DNAAF9: variants seen among roughly 807,000 people sequenced by gnomAD.
DNAAF9 encodes the protein shulin.
DNAAF9 carries 90 observed loss-of-function variants against 167.0 expected under a neutral mutation model. The observed-to-expected ratio is 0.54, with a 90% CI of 0.45 to 0.64. The LOEUF is 0.64. DNAAF9 is among the 30% of genes least tolerant of loss of function. The pLI, the probability that DNAAF9 is intolerant of heterozygous loss-of-function variation, is 0.00. For missense variants in DNAAF9, 1,315 were observed against 1,442.2 expected, an observed-to-expected ratio of 0.91 and a Z score of 1.43; for synonymous variants, 491 against 508.8, an observed-to-expected ratio of 0.96 and a Z score of 0.47.
chr20:3,362,472 T>A, intron 6 of DNAAF9: 1 of 388,454 alleles, frequency 2.6e-6, no homozygotes, highest in Admixed American at 4.4e-5. Context: ...ACAGCTTCAT[T>A]TTTTTCACCT....
intron 7 of DNAAF9, among the ~76,000 whole-genome samples, chr20:3,356,948 T>C (rs939867574): frequency 6.6e-6 from 1 of 152,198 alleles, no homozygotes; most frequent in Non-Finnish European, 1.5e-5. Context: ...CTACCACAAT[T>C]AAGCTAATGG....
chr20:3,354,891 T>C (rs2083263311), intron 7 of DNAAF9, among the ~76,000 whole-genome samples: 1 of 152,208 alleles, frequency 6.6e-6, no homozygotes, highest in South Asian at 2.1e-4. Flanking sequence ...GGAAAGAGCA[T>C]GTTCTACAGC....
chr20:3,386,672 G>C (rs2083743900), intron 1 of DNAAF9, among the ~76,000 whole-genome samples: 1 of 151,728 alleles, frequency 6.6e-6, no homozygotes, highest in Non-Finnish European at 1.5e-5. Flanking sequence ...AGAATGAAAA[G>C]ACAAGCTACT....
chr20:3,265,072 C>G (rs944323233), intron 30 of DNAAF9, among the ~76,000 whole-genome samples: 1 of 152,148 alleles, frequency 6.6e-6, no homozygotes, highest in Admixed American at 6.6e-5. Context: ...AAGGAATTTA[C>G]TGGCTCCCAG....
At chr20:3,270,835 C>T (rs111558628) in intron 29 of DNAAF9, among the ~76,000 whole-genome samples, 2,290 of 143,766 alleles carry the variant, frequency 0.016, 29 homozygotes, top group Non-Finnish European at 0.024. Context: ...TTTTTTAAGA[C>T]GGTGTCTCAC....
intron 6 of DNAAF9, among the ~76,000 whole-genome samples, chr20:3,370,624 G>A (rs989872141): frequency 9.2e-5 from 14 of 151,974 alleles, no homozygotes; most frequent in Admixed American, 5.2e-4. Flanking sequence ...TGGCCAGGAC[G>A]GTCCCGATCT....
Position 3,259,979 on chromosome 20 carries a change from T to C in DNAAF9, c.2923A>G (p.Ile975Val), listed in dbSNP as rs369960186. ...AGSVYPLMVQ[I>V]CVWFGRPLEK... Reference sequence around the variant, plus strand: ...AAGGGACGGCCAAACCATACGCAGATCTGAACCATTAGGGGATAGACTGAT... The same window carrying C: ...AAGGGACGGCCAAACCATACGCAGACCTGAACCATTAGGGGATAGACTGAT... Residue 975 changes from isoleucine (I) to valine (V), a missense_variant, in exon 32 of 37, where the codon ATC becomes GTC. By Grantham distance (29) the Ile-to-Val change is conservative. Transcript: ENST00000252032. The C allele has an allele frequency of 1.2e-6, 2 of 1,613,244 alleles. No individual in the cohort carries two copies. The highest frequency in any genetic ancestry group is 2.7e-5 in the African/African-American group (2 of 74,936).
At chr20:3,310,227 T>G (rs2069376866) in intron 20 of DNAAF9, among the ~76,000 whole-genome samples, 1 of 107,606 alleles carries the variant, frequency 9.3e-6, no homozygotes, top group African/African-American at 3.6e-5. Flanking sequence ...GAACTAATGA[T>G]CGAGAGAAAG....
intron 7 of DNAAF9, among the ~76,000 whole-genome samples, chr20:3,358,625 C>T (rs893091711): frequency 3.9e-5 from 6 of 152,148 alleles, no homozygotes; most frequent in Non-Finnish European, 7.3e-5. Context: ...TCCGTTCTTT[C>T]AAGGAAAGAC....
rs576604364 is a variant in DNAAF9 at position 3,306,154 on chromosome 20, TCTTAGAGCAGTAAAGCTGCACC to T, written c.1679-1633_1679-1612del. Among the ~76,000 whole-genome samples the T allele has an allele frequency of 2.7e-3, 415 of 152,210 alleles. 1 individual carries two copies. Among genetic ancestry groups the T allele is most frequent in the African/African-American group, 9.4e-3 (391 of 41,528 alleles). Reference sequence around the variant, plus strand: ...TTCCAATGCCAACACTCCCATTCCTTCTTAGAGCAGTAAAGCTGCACCCAGAATGTCATGACTTCTGAAATCT... The same window carrying T: ...TTCCAATGCCAACACTCCCATTCCTTCAGAATGTCATGACTTCTGAAATCT... On this transcript the variant is annotated intron_variant, in intron 20 of 36. Coordinates refer to ENST00000252032, the MANE Select transcript of DNAAF9 (RefSeq NM_001009984.3).
chr20:3,400,690 G>A (rs1294741596), intron 1 of DNAAF9, among the ~76,000 whole-genome samples: 1 of 152,004 alleles, frequency 6.6e-6, no homozygotes, highest in Non-Finnish European at 1.5e-5. Flanking sequence ...GTTACTTAAA[G>A]GGCATTTGTG....
At position 3,340,436 on chromosome 20, in the gene DNAAF9, C is replaced by CCCT; in HGVS notation, c.981+67_981+68insAGG. ...GAAAAGGTTCTTTTTGTCTAGCTCC[C>CCCT]CCCACCCACCCCACCCCCACAACTT... On this transcript the variant is annotated intron_variant, in intron 10 of 36. Coordinates refer to ENST00000252032, the MANE Select transcript of DNAAF9 (RefSeq NM_001009984.3). The CCCT allele has an allele frequency of 1.0e-5, 2 of 192,366 alleles. 1 individual carries two copies. The highest frequency in any genetic ancestry group is 1.4e-4 in the South Asian group (2 of 14,006). The allele number at this position is 192,366 out of a possible 1,614,324, so 11.9% of individuals were successfully genotyped here. A position where few individuals can be genotyped will look rare whatever the true frequency, so the allele number is the denominator to read the frequency against.
intron 6 of DNAAF9, among the ~76,000 whole-genome samples, chr20:3,368,446 CTT>C (rs1239725555): frequency 6.7e-6 from 1 of 149,918 alleles, no homozygotes; most frequent in Non-Finnish European, 1.5e-5. Flanking sequence ...TGGTGGGTGA[CTT>C]GTTTTTTCTT....
chr20:3,296,710 C>T, intron 23 of DNAAF9, 151 bp downstream of exon 23: 1 of 648,558 alleles, frequency 1.5e-6, no homozygotes. Flanking sequence ...CCCAAGGGCA[C>T]CGGCTACCTG....
Position 3,323,274 on chromosome 20 carries a change from C to CT in DNAAF9, c.1266-579dup, listed in dbSNP as rs71195835. Among the ~76,000 whole-genome samples the CT allele has an allele frequency of 9.3e-3, 646 of 69,102 alleles. 12 individuals carry two copies. The highest frequency in any genetic ancestry group is 0.014 in the East Asian group (29 of 2,058). 45.3% of individuals were successfully genotyped at this position (69,102 alleles called of 152,430 possible). ...GTTTGAGGGTCCTCAGTGAAGTAAT[C>CT]TTTTTTTTTTTTTTTTTTTTTTTTT... On this transcript the variant is annotated intron_variant, in intron 14 of 36. Coordinates refer to ENST00000252032, the MANE Select transcript of DNAAF9 (RefSeq NM_001009984.3).
At position 3,333,464 on chromosome 20, in the gene DNAAF9, A is replaced by G. The variant is rs371616485; in HGVS notation, c.982-1103T>C. 6.6e-5 allele frequency among the ~76,000 whole-genome samples: 10 copies of G among 152,344 alleles called. No homozygotes were observed. In the Middle Eastern group the frequency reaches 0.01, roughly 155 times the overall value. ...TTACTCAATTGTTTAAGACAACAAC[A>G]CTAGAATTCAAGGCATTTTTCTATA... is the stretch of plus-strand genomic sequence containing the variant. On this transcript the variant is annotated intron_variant, in intron 10 of 36. Transcript: ENST00000252032.
intron 30 of DNAAF9, among the ~76,000 whole-genome samples, chr20:3,270,136 C>CT (rs56942768): frequency 0.79 from 99,219 of 125,456 alleles, 39,582 homozygotes; most frequent in East Asian, 0.95. Flanking sequence ...GCCCAGCCTG[C>CT]TTTTTTTTTT....
At chr20:3,356,729 C>G (rs914849749) in intron 7 of DNAAF9, among the ~76,000 whole-genome samples, 1 of 152,128 alleles carries the variant, frequency 6.6e-6, no homozygotes, top group Non-Finnish European at 1.5e-5. Context: ...AAAGCAGCAA[C>G]TACCTGAGAA....
chr20:3,294,140 T>G lies in DNAAF9; in HGVS notation c.2237A>C (p.Lys746Thr). The part of the protein sequence containing the change: ...INTTHRIESD[K>T]VIISIVTGLP... Reference sequence around the variant, plus strand: ...AGCATATCTGGTGAGCTCCTCTACCTTGTCACTTTCTATTCTGTGAGTAGT... The same window carrying G: ...AGCATATCTGGTGAGCTCCTCTACCGTGTCACTTTCTATTCTGTGAGTAGT... The change falls in exon 25 of 37, where the codon AAG becomes ACG. Residue 746 changes from lysine to threonine, a missense_variant and splice_region_variant. Physicochemically the swap from Lys to Thr is moderately conservative, Grantham distance 78 (BLOSUM62 -1). Coordinates refer to ENST00000252032, the MANE Select transcript of DNAAF9 (RefSeq NM_001009984.3). 6.5e-7 allele frequency: 1 copy of G among 1,545,678 alleles called. No homozygotes were observed. The highest frequency in any genetic ancestry group is 8.9e-7 in the Non-Finnish European group (1 of 1,117,566).
Sources: gnomAD v4.1 joint callset for allele counts (sites outside exome capture counted in the v4.1 genomes callset) on GRCh38, gnomAD v4.1.1 for gene constraint, MANE v1.5 for transcripts, NCBI Gene and HGNC (gene_info 2026-07-23, HGNC 2026-07-21) for gene names.